The following SLC35E2B variants were observed in gnomAD, a reference collection of about 807,000 sequenced individuals.
The protein encoded by SLC35E2B is solute carrier family 35 member E2B.
Under a neutral mutation model 32.4 loss-of-function variants are expected in SLC35E2B, and 18 were observed. The observed-to-expected ratio is 0.56, with a 90% CI of 0.38 to 0.82. SLC35E2B has a LOEUF of 0.82. Ranked by LOEUF, SLC35E2B falls within the 40% of genes least tolerant of loss-of-function variation. SLC35E2B has a pLI of 0.00. For synonymous variants in SLC35E2B, 132 were observed against 209.1 expected, an observed-to-expected ratio of 0.63 and a Z score of 3.18; for missense variants, 263 against 469.5, an observed-to-expected ratio of 0.56 and a Z score of 4.06.
At chr1:1,689,127 G>A (rs1406056407) in intron 2 of SLC35E2B, among the ~76,000 whole-genome samples, 1 of 152,132 alleles carries the variant, frequency 6.6e-6, no homozygotes, top group Middle Eastern at 3.4e-3. Flanking sequence ...AGCTGAGATT[G>A]CACCACTACA....
Position 1,667,306 on chromosome 1 carries a change from G to A in SLC35E2B, c.980+1021C>T, listed in dbSNP as rs915523150. 7.9e-5 allele frequency among the ~76,000 whole-genome samples: 12 copies of A among 152,128 alleles called. 1 individual carries two copies. Among genetic ancestry groups the A allele is most frequent in the African/African-American group, 2.2e-4 (9 of 41,524 alleles). ...CAGTCGCCTGTAGTCCCAGCTACTC[G>A]GGAGGCGGAGGCAGGAGAATGGCGT... On this transcript the variant is annotated intron_variant, in intron 9 of 9. Coordinates refer to ENST00000617444, the MANE Select transcript of SLC35E2B (RefSeq NM_001290264.2).
At chr1:1,668,516 A>G (rs1300469046) in intron 8 of SLC35E2B, 44 bp from the exon 9 acceptor site, 4 of 1,613,876 alleles carry the variant, frequency 2.5e-6, no homozygotes, top group South Asian at 1.1e-5. Context: ...TCCATTTTCC[A>G]TTTACTAATC....
chr1:1,679,242 A>G (rs887711834), intron 2 of SLC35E2B, among the ~76,000 whole-genome samples: 2 of 152,208 alleles, frequency 1.3e-5, no homozygotes, highest in Non-Finnish European at 2.9e-5. Flanking sequence ...GACGCCAGTC[A>G]CGTCCCACCT....
At chr1:1,668,039 G>A (rs1384252937) in intron 9 of SLC35E2B, among the ~76,000 whole-genome samples, 1 of 151,984 alleles carries the variant, frequency 6.6e-6, no homozygotes, top group Non-Finnish European at 1.5e-5. Flanking sequence ...TTTTAGTAGA[G>A]ATGGGGTTTC....
chr1:1,688,458 G>C (rs1317999521), intron 2 of SLC35E2B, among the ~76,000 whole-genome samples: 1 of 151,632 alleles, frequency 6.6e-6, no homozygotes, highest in Non-Finnish European at 1.5e-5. Context: ...AAATTAGCCG[G>C]GCATGATGGC....
At chr1:1,666,101 G>A in intron 9 of SLC35E2B, 82 bp from the exon 10 acceptor site, 1 of 1,457,838 alleles carries the variant, frequency 6.9e-7, no homozygotes, top group Non-Finnish European at 9.2e-7. Flanking sequence ...CTGAGCCTGG[G>A]TCTGGAGGCT....
chr1:1,679,624 C>T (rs1205879340), intron 2 of SLC35E2B, among the ~76,000 whole-genome samples: 1 of 150,554 alleles, frequency 6.6e-6, no homozygotes, highest in Non-Finnish European at 1.5e-5. Flanking sequence ...CTCAGGAGTT[C>T]ATGACCAGCC....
chr1:1,686,972 C>T (rs1049245118), intron 2 of SLC35E2B, among the ~76,000 whole-genome samples: 6 of 151,994 alleles, frequency 3.9e-5, no homozygotes, highest in African/African-American at 1.2e-4. Flanking sequence ...AGGAGAAGGG[C>T]GAGAACCCAG....
chr1:1,691,310 C>G lies in SLC35E2B; in HGVS notation c.-482G>C, dbSNP rs564872041. On this transcript the variant is annotated 5_prime_UTR_variant, in exon 2 of 10. Transcript: ENST00000617444. ...TGGGAGAGAGCAGCCAGGACAGGAG[C>G]CCAGACCTTTCTGAACCTCATCTCA... 6.6e-6 allele frequency: 1 copy of G among 150,432 alleles called. No individual in the cohort carries two copies. The highest frequency in any genetic ancestry group is 3.4e-3 in the Middle Eastern group (1 of 292). The allele number at this position is 150,432 out of a possible 1,614,324, so 9.3% of individuals were successfully genotyped here.
intron 2 of SLC35E2B, among the ~76,000 whole-genome samples, chr1:1,680,351 C>T (rs1476165842): frequency 6.6e-6 from 1 of 152,064 alleles, no homozygotes; most frequent in Non-Finnish European, 1.5e-5. Context: ...AACAAGAAGC[C>T]GACTGCAAAC....
chr1:1,668,717 C>G (rs147261530), intron 8 of SLC35E2B, among the ~76,000 whole-genome samples: 27,239 of 151,980 alleles, frequency 0.18, 3,110 homozygotes, highest in Middle Eastern at 0.27. Flanking sequence ...AAATGGACAA[C>G]AAGCACATGA....
chr1:1,685,083 G>A (rs534651819), intron 2 of SLC35E2B, among the ~76,000 whole-genome samples: 10 of 150,950 alleles, frequency 6.6e-5, no homozygotes, highest in African/African-American at 2.4e-4. Flanking sequence ...CTCCAGCCTG[G>A]GCAACAAGAG....
At chr1:1,666,442 T>C (rs1463761460) in intron 9 of SLC35E2B, among the ~76,000 whole-genome samples, 2 of 152,164 alleles carry the variant, frequency 1.3e-5, no homozygotes, top group Admixed American at 6.5e-5. Flanking sequence ...CCCAGGCTGG[T>C]CTTCAAATCC....
In SLC35E2B at chr1:1,675,501, G is replaced by A. The variant is rs1353698965; in HGVS notation, c.548C>T (p.Thr183Met). 1.2e-5 allele frequency: 19 copies of A among 1,599,802 alleles called. 2 individuals carry two copies. Among genetic ancestry groups the A allele is most frequent in the African/African-American group, 6.8e-5 (5 of 73,538 alleles). Residue 183 changes from threonine to methionine, a missense_variant, in exon 5 of 10, where the codon ACG becomes ATG. Coordinates refer to ENST00000617444, the MANE Select transcript of SLC35E2B (RefSeq NM_001290264.2). ...CAGAATCATCCGAGACATGATCACCGTGAAGATGGGGGCGGAGCTCTTCAC... is the reference window on the plus strand; with the variant it reads ...CAGAATCATCCGAGACATGATCACCATGAAGATGGGGGCGGAGCTCTTCAC... The part of the protein sequence containing the change: ...ETVKSSAPIF[T>M]VIMSRMILGE...
At position 1,692,598 on chromosome 1, in the gene SLC35E2B, A is replaced by T. The variant is rs1644029069; in HGVS notation, c.-715T>A. On this transcript the variant is annotated 5_prime_UTR_variant, in exon 1 of 10. Transcript: ENST00000617444. The stretch of plus-strand genomic sequence containing the variant: ...GACAGCTCGGAGCTCGGCACTGGGG[A>T]GTGGCACAGCGCTGGCGGATCCAGG... 1.0e-6 allele frequency: 1 copy of T among 984,454 alleles called. No individual in the cohort carries two copies. Among genetic ancestry groups the T allele is most frequent in the Non-Finnish European group, 1.2e-6 (1 of 829,422 alleles). 61.0% of individuals were successfully genotyped at this position (984,454 alleles called of 1,614,324 possible).
At chr1:1,678,293 G>T (rs1486573904) in intron 2 of SLC35E2B, among the ~76,000 whole-genome samples, 1 of 151,948 alleles carries the variant, frequency 6.6e-6, no homozygotes, top group East Asian at 1.9e-4. Context: ...CCCCCATGAA[G>T]ACCTCGCCTG....
At chr1:1,685,442 A>G (rs997955020) in intron 2 of SLC35E2B, among the ~76,000 whole-genome samples, 75 of 151,736 alleles carry the variant, frequency 4.9e-4, no homozygotes, top group Non-Finnish European at 7.4e-4. Context: ...AGAAAAGGAA[A>G]AAGAAATACA....
At chr1:1,683,210 C>T (rs1643914988) in intron 2 of SLC35E2B, among the ~76,000 whole-genome samples, 1 of 152,222 alleles carries the variant, frequency 6.6e-6, no homozygotes, top group South Asian at 2.1e-4. Context: ...TCCACAGACA[C>T]TAGCTGTGTG....
chr1:1,679,672 CAAA>C (rs908980606), intron 2 of SLC35E2B, among the ~76,000 whole-genome samples: 1 of 145,210 alleles, frequency 6.9e-6, no homozygotes, highest in Admixed American at 6.9e-5. Context: ...ACTAAAAGTA[CAAA>C]AAAAAAATCA....
Sources: allele counts gnomAD v4.1 joint callset (sites outside exome capture counted in the v4.1 genomes callset), GRCh38; gene constraint gnomAD v4.1.1; transcripts MANE v1.5; gene names NCBI Gene and HGNC (gene_info 2026-07-23, HGNC 2026-07-21).